DOK6: variants seen among roughly 807,000 people sequenced by gnomAD.
The protein encoded by DOK6 is docking protein 6.
Under a neutral mutation model 44.0 loss-of-function variants are expected in DOK6, and 22 were observed. The observed-to-expected ratio is 0.50, with a 90% CI of 0.36 to 0.71. DOK6 has a LOEUF of 0.71. DOK6 is among the 30% of genes least tolerant of loss of function. The pLI, the probability that DOK6 is intolerant of heterozygous loss-of-function variation, is 0.00. For synonymous variants in DOK6, 166 were observed against 145.5 expected, an observed-to-expected ratio of 1.14 and a Z score of -1.01; for missense variants, 340 against 416.4, an observed-to-expected ratio of 0.82 and a Z score of 1.60.
At chr18:69,543,147 T>C (rs936672139) in intron 1 of DOK6, among the ~76,000 whole-genome samples, 2 of 151,512 alleles carry the variant, frequency 1.3e-5, no homozygotes, top group Admixed American at 6.6e-5. Flanking sequence ...TTGTAAACCC[T>C]TTTTCTTTCT....
At chr18:69,712,702 C>G (rs1280952393) in intron 5 of DOK6, among the ~76,000 whole-genome samples, 1 of 152,046 alleles carries the variant, frequency 6.6e-6, no homozygotes, top group Non-Finnish European at 1.5e-5. Flanking sequence ...CATAAGTTAG[C>G]CAGGAGTGGG....
In DOK6 at chr18:69,825,776, C is replaced by A. The variant is rs146913312; in HGVS notation, c.857-15468C>A. 2.5e-3 allele frequency among the ~76,000 whole-genome samples: 385 copies of A among 151,566 alleles called. 3 individuals are homozygous for A. The highest frequency in any genetic ancestry group is 8.8e-3 in the African/African-American group (365 of 41,284). On this transcript the variant is annotated intron_variant, in intron 7 of 7. Coordinates refer to ENST00000382713, the MANE Select transcript of DOK6 (RefSeq NM_152721.6). ...TCACAATTATGAAACGAAAGTAAAA[C>A]GTAAAGAGATAACAAATGTTTGGGA... is the stretch of plus-strand genomic sequence containing the variant.
chr18:69,472,938 C>A (rs1157750955), intron 1 of DOK6, among the ~76,000 whole-genome samples: 1 of 152,174 alleles, frequency 6.6e-6, no homozygotes, highest in Non-Finnish European at 1.5e-5. Flanking sequence ...GTTGAAAAAT[C>A]TCATACTATT....
chr18:69,517,956 T>C (rs1981578348), intron 1 of DOK6, among the ~76,000 whole-genome samples: 3 of 152,094 alleles, frequency 2.0e-5, no homozygotes, highest in African/African-American at 7.2e-5. Flanking sequence ...CTGCCTCCCC[T>C]AGCCAAATTA....
chr18:69,758,819 C>G lies in DOK6; in HGVS notation c.856+946C>G, dbSNP rs142971725. On this transcript the variant is annotated intron_variant, in intron 7 of 7. Coordinates refer to ENST00000382713, the MANE Select transcript of DOK6 (RefSeq NM_152721.6). ...ACATTCAGACTGTGTTTTTCTTTCACACATTAGCTTTTGCTCACTATTAAC... is the reference window on the plus strand; with the variant it reads ...ACATTCAGACTGTGTTTTTCTTTCAGACATTAGCTTTTGCTCACTATTAAC... Among the ~76,000 whole-genome samples, 793 of 152,302 alleles carry G rather than the reference C, an allele frequency of 5.2e-3. 3 individuals are homozygous for G. Among genetic ancestry groups the G allele is most frequent in the Non-Finnish European group, 9.0e-3 (611 of 68,034 alleles).
intron 7 of DOK6, among the ~76,000 whole-genome samples, chr18:69,820,458 A>T (rs1447325008): frequency 6.6e-6 from 1 of 152,190 alleles, no homozygotes; most frequent in Admixed American, 6.5e-5. Flanking sequence ...GCATGGGATC[A>T]TCTCCATAGG....
intron 1 of DOK6, among the ~76,000 whole-genome samples, chr18:69,510,772 GTAACTTTAGTAAAA>G (rs1167724459): frequency 2.0e-5 from 3 of 152,102 alleles, no homozygotes; most frequent in Non-Finnish European, 4.4e-5. Flanking sequence ...ATAGCCAATT[GTAACTTTAGTAAAA>G]TAACTTTAGT....
chr18:69,522,320 C>T lies in DOK6; in HGVS notation c.67-42167C>T, dbSNP rs550103718. 8.6e-5 allele frequency among the ~76,000 whole-genome samples: 13 copies of T among 151,890 alleles called. No individual in the cohort carries two copies. The East Asian group carries it at 1.9e-3, about 23-fold the overall frequency. On this transcript the variant is annotated intron_variant, in intron 1 of 7. Transcript: ENST00000382713. Reference sequence around the variant, plus strand: ...GATCAGTACTTCAACTTCGGAGGTCCCCAAACACAATAAAGCTTTATTTGG... The same window carrying T: ...GATCAGTACTTCAACTTCGGAGGTCTCCAAACACAATAAAGCTTTATTTGG...
intron 1 of DOK6, among the ~76,000 whole-genome samples, chr18:69,457,641 T>C (rs1332988917): frequency 1.3e-5 from 2 of 152,204 alleles, no homozygotes; most frequent in Non-Finnish European, 2.9e-5. Context: ...TCATTATGCA[T>C]TTTAGAATAG....
At chr18:69,499,413 G>GGCAAAAC in intron 1 of DOK6, among the ~76,000 whole-genome samples, 1 of 152,246 alleles carries the variant, frequency 6.6e-6, no homozygotes, top group Middle Eastern at 3.4e-3. Context: ...GCTAGAATTA[G>GGCAAAAC]TGTGATAGAA....
intron 3 of DOK6, among the ~76,000 whole-genome samples, chr18:69,645,706 T>A (rs1985054781): frequency 6.6e-6 from 1 of 152,120 alleles, no homozygotes; most frequent in African/African-American, 2.4e-5. Flanking sequence ...AATACTTAGG[T>A]CTACAAAAAA....
At chr18:69,566,552 C>T (rs1438901657) in intron 2 of DOK6, among the ~76,000 whole-genome samples, 1 of 152,102 alleles carries the variant, frequency 6.6e-6, no homozygotes, top group African/African-American at 2.4e-5. Flanking sequence ...GTACTCTAAC[C>T]CCACTATAAG....
intron 1 of DOK6, among the ~76,000 whole-genome samples, chr18:69,430,667 G>A (rs750905614): frequency 2.0e-5 from 3 of 151,786 alleles, no homozygotes; most frequent in Admixed American, 6.6e-5. Context: ...TTTTTTTCCC[G>A]CTTGAAAATA....
Position 69,753,824 on chromosome 18 carries a change from C to T in DOK6, c.739-3932C>T, listed in dbSNP as rs1437299734. Reference sequence around the variant, plus strand: ...CAGAATTTTGTATCGCTGTTTGAGACTTTTTTTTTTACTAAGTCCACTGAA... The same window carrying T: ...CAGAATTTTGTATCGCTGTTTGAGATTTTTTTTTTTACTAAGTCCACTGAA... On this transcript the variant is annotated intron_variant, in intron 6 of 7. Transcript: ENST00000382713. 3.3e-5 allele frequency among the ~76,000 whole-genome samples: 5 copies of T among 149,914 alleles called. No homozygotes were observed. The South Asian group carries it at 6.3e-4, about 19-fold the overall frequency.
At chr18:69,759,214 T>C (rs1456631682) in intron 7 of DOK6, among the ~76,000 whole-genome samples, 3 of 152,118 alleles carry the variant, frequency 2.0e-5, no homozygotes, top group Admixed American at 1.3e-4. Context: ...AGAAGACGAG[T>C]ATCTTATGCT....
intron 7 of DOK6, among the ~76,000 whole-genome samples, chr18:69,787,498 A>C (rs771386499): frequency 3.3e-5 from 5 of 152,316 alleles, no homozygotes; most frequent in African/African-American, 7.2e-5. Context: ...CATGAAAGTC[A>C]TTTTATTTGT....
chr18:69,810,599 G>A (rs910572317), intron 7 of DOK6, among the ~76,000 whole-genome samples: 4 of 151,688 alleles, frequency 2.6e-5, no homozygotes, highest in Non-Finnish European at 4.4e-5. Context: ...AAGTATATAA[G>A]GAACTCAAAC....
intron 1 of DOK6, among the ~76,000 whole-genome samples, chr18:69,542,196 A>G (rs1193323438): frequency 6.6e-6 from 1 of 151,532 alleles, no homozygotes; most frequent in Non-Finnish European, 1.5e-5. Flanking sequence ...GAAGAAGAGA[A>G]GGATTAAATA....
At chr18:69,642,219 C>A (rs7505471) in intron 3 of DOK6, among the ~76,000 whole-genome samples, 47,926 of 151,952 alleles carry the variant, frequency 0.32, 8,822 homozygotes, top group Non-Finnish European at 0.41. Context: ...AAAAAACCTT[C>A]ACTTACATAA....
Sources: allele counts gnomAD v4.1 joint callset (sites outside exome capture counted in the v4.1 genomes callset), GRCh38; gene constraint gnomAD v4.1.1; transcripts MANE v1.5; gene names NCBI Gene and HGNC (gene_info 2026-07-23, HGNC 2026-07-21).